Variants in DNA2 observed in about 807,000 individuals in gnomAD.
DNA2 encodes the protein DNA replication ATP-dependent helicase/nuclease DNA2.
DNA2 carries 101 observed loss-of-function variants against 119.1 expected under a neutral mutation model. The observed-to-expected ratio is 0.85, with a 90% CI of 0.72 to 1.00. The LOEUF is 1.00. Among genes scored for constraint, DNA2 ranks in the 50% least tolerant of loss-of-function variants. The pLI, the probability that DNA2 is intolerant of heterozygous loss-of-function variation, is 0.00. For synonymous variants in DNA2, 366 were observed against 424.4 expected (o/e 0.86, Z 1.69); for missense variants, 1,121 against 1,255.5 (o/e 0.89, Z 1.62).
intron 9 of DNA2, among the ~76,000 whole-genome samples, chr10:68,438,508 A>G (rs562337378): frequency 1.5e-4 from 22 of 148,708 alleles, no homozygotes; most frequent in Middle Eastern, 3.5e-3. Flanking sequence ...AACAAGAGTG[A>G]AACTCCGTCT....
intron 5 of DNA2, 48 bp from the exon 6 acceptor site, chr10:68,450,295 A>C: frequency 7.3e-7 from 1 of 1,378,246 alleles, no homozygotes; most frequent in South Asian, 1.3e-5. Context: ...CTCTTAGCTC[A>C]TTTCACATCT....
intron 17 of DNA2, among the ~76,000 whole-genome samples, chr10:68,421,062 C>T (rs2051658456): frequency 6.6e-6 from 1 of 151,954 alleles, no homozygotes; most frequent in Admixed American, 6.6e-5. Context: ...CCTCAGCCTC[C>T]CAGGTAGCTG....
intron 13 of DNA2, among the ~76,000 whole-genome samples, chr10:68,431,101 T>C (rs999893547): frequency 2.0e-5 from 3 of 151,748 alleles, no homozygotes; most frequent in Non-Finnish European, 4.4e-5. Flanking sequence ...ATCATGCCAC[T>C]GCATTCCAAC....
chr10:68,430,597 C>T lies in DNA2; in HGVS notation c.2047G>A (p.Asp683Asn). 1 of 1,607,450 alleles carries T rather than the reference C, an allele frequency of 6.2e-7. No homozygotes were observed. Among genetic ancestry groups the T allele is most frequent in the East Asian group, 2.2e-5 (1 of 44,766 alleles). The change falls in exon 14 of 21, where the codon GAC becomes AAC. Residue 683 changes from aspartate to asparagine, a missense_variant. Coordinates refer to ENST00000358410, the MANE Select transcript of DNA2 (RefSeq NM_001080449.3). ...LLTSYTHSAV[D>N]NILLKLAKFK... ...TTGGCTAACTTCAAAAGAATATTGT[C>T]AACAGCAGAGTGTGTATAGCTGGTC...
chr10:68,422,830 C>A lies in DNA2; in HGVS notation c.2269G>T (p.Asp757Tyr). The change falls in exon 15 of 21, where the codon GAT (aspartate) becomes TAT (tyrosine). Residue 757 changes from aspartate (D) to tyrosine (Y), a missense_variant. Coordinates refer to ENST00000358410, the MANE Select transcript of DNA2 (RefSeq NM_001080449.3). Reference protein sequence around the residue: ...NHPIFSRKIFDFCIVDEASQI... With the variant: ...NHPIFSRKIFYFCIVDEASQI... ...GAGGCTTCATCCACAATACAAAAAT[C>A]AAAAATTTTACGGGAAAATATTGGA... The A allele has an allele frequency of 6.2e-7, 1 of 1,608,008 alleles. No individual in the cohort carries two copies. The highest frequency in any genetic ancestry group is 1.1e-5 in the South Asian group (1 of 89,374).
chr10:68,440,711 G>A (rs141727025), intron 9 of DNA2, among the ~76,000 whole-genome samples: 1,538 of 152,056 alleles, frequency 0.01, 28 homozygotes, highest in African/African-American at 0.035. Flanking sequence ...CTACACATAC[G>A]CAGTCTATCC....
intron 17 of DNA2, among the ~76,000 whole-genome samples, chr10:68,421,529 G>T (rs544148103): frequency 6.6e-6 from 1 of 151,364 alleles, no homozygotes; most frequent in Non-Finnish European, 1.5e-5. Flanking sequence ...TGAAGCAGGC[G>T]GATCATTTGA....
intron 5 of DNA2, among the ~76,000 whole-genome samples, chr10:68,454,275 G>A (rs1172538047): frequency 6.6e-6 from 1 of 150,938 alleles, no homozygotes; most frequent in East Asian, 1.9e-4. Context: ...ATATAGCATT[G>A]AATAAATGTT....
intron 14 of DNA2, among the ~76,000 whole-genome samples, chr10:68,427,987 C>T (rs1472046213): frequency 4.7e-5 from 7 of 148,854 alleles, no homozygotes; most frequent in African/African-American, 7.5e-5. Context: ...GAGCTCAGAT[C>T]GCACCACTGC....
intron 19 of DNA2, among the ~76,000 whole-genome samples, chr10:68,418,661 A>G (rs2051623828): frequency 6.8e-6 from 1 of 147,112 alleles, no homozygotes; most frequent in Non-Finnish European, 1.5e-5. Context: ...TCTCAATGTT[A>G]AACCGCAATT....
rs114788132 is a variant in DNA2 at position 68,465,763 on chromosome 10, T to C, written c.491A>G (p.Glu164Gly). ...RQMLIGTVLH[E>G]VFQKAINNSF... Reference sequence around the variant, plus strand: ...ATTATTTATGGCTTTTTGAAACACCTCATGGAGAACCGTACCAATTAGCAT... The same window carrying C: ...ATTATTTATGGCTTTTTGAAACACCCCATGGAGAACCGTACCAATTAGCAT... The change falls in exon 4 of 21, where the codon GAG (glutamate) becomes GGG (glycine). Residue 164 changes from glutamate to glycine, a missense_variant. Glu to Gly is a moderately conservative substitution (Grantham distance 98). Coordinates refer to ENST00000358410, the MANE Select transcript of DNA2 (RefSeq NM_001080449.3). 1,576 of 1,607,388 alleles carry C rather than the reference T, an allele frequency of 9.8e-4. 16 individuals are homozygous for C. In the African/African-American group the frequency reaches 0.019, roughly 20 times the overall value.
intron 5 of DNA2, among the ~76,000 whole-genome samples, chr10:68,452,540 A>G (rs2052132853): frequency 1.3e-5 from 2 of 151,514 alleles, no homozygotes; most frequent in South Asian, 4.2e-4. Context: ...CTAAAATTCA[A>G]TGCCCTGGAA....
At chr10:68,431,150 A>G (rs1023750080) in intron 13 of DNA2, among the ~76,000 whole-genome samples, 9 of 151,270 alleles carry the variant, frequency 5.9e-5, no homozygotes, top group Non-Finnish European at 1.2e-4. Flanking sequence ...TGGACTCCCA[A>G]AGTGCTAGGA....
At chr10:68,465,177 C>T (rs1056777353) in intron 4 of DNA2, among the ~76,000 whole-genome samples, 6 of 151,886 alleles carry the variant, frequency 4.0e-5, no homozygotes, top group African/African-American at 1.2e-4. Flanking sequence ...TGCCACCATG[C>T]CCTGCTAATT....
At chr10:68,439,090 G>A (rs905389858) in intron 9 of DNA2, among the ~76,000 whole-genome samples, 1 of 150,050 alleles carries the variant, frequency 6.7e-6, no homozygotes, top group East Asian at 2.0e-4. Flanking sequence ...AACAAGTTAC[G>A]TTTTACATAA....
intron 9 of DNA2, among the ~76,000 whole-genome samples, chr10:68,441,960 C>T (rs2051974736): frequency 6.6e-6 from 1 of 151,772 alleles, no homozygotes; most frequent in Non-Finnish European, 1.5e-5. Context: ...CAAGGTCTGG[C>T]TCTATCACCC....
At chr10:68,441,526 C>A (rs2051968528) in intron 9 of DNA2, among the ~76,000 whole-genome samples, 1 of 151,816 alleles carries the variant, frequency 6.6e-6, no homozygotes, top group African/African-American at 2.4e-5. Context: ...GCCTGTAATC[C>A]CATCACTTTG....
intron 14 of DNA2, among the ~76,000 whole-genome samples, chr10:68,428,713 CA>C (rs1230675402): frequency 8.5e-5 from 13 of 152,170 alleles, no homozygotes; most frequent in African/African-American, 3.1e-4. Context: ...TAAAAAACAC[CA>C]ATCCCAAAAG....
At chr10:68,471,480 T>TA (rs2052380220) in intron 1 of DNA2, among the ~76,000 whole-genome samples, 1 of 152,182 alleles carries the variant, frequency 6.6e-6, no homozygotes, top group South Asian at 2.1e-4. Flanking sequence ...GAGAAAAGCC[T>TA]ACGGCGGTTG....
Sources: allele counts gnomAD v4.1 joint callset (sites outside exome capture counted in the v4.1 genomes callset), GRCh38; gene constraint gnomAD v4.1.1; transcripts MANE v1.5; gene names NCBI Gene and HGNC (gene_info 2026-07-23, HGNC 2026-07-21).